Variants in FAM204A observed in about 807,000 individuals in gnomAD.
FAM204A encodes the protein family with sequence similarity 204 member A, also known as protein FAM204A.
Under a neutral mutation model 35.4 loss-of-function variants are expected in FAM204A, and 16 were observed. That is an observed-to-expected ratio of 0.45 (90% confidence interval 0.31 to 0.69). The LOEUF (loss-of-function observed/expected upper bound fraction) is 0.69, where lower values mean the gene tolerates loss of function less well. Ranked by LOEUF, FAM204A falls within the 30% of genes least tolerant of loss-of-function variation. FAM204A has a pLI of 0.07. For missense variants in FAM204A, 240 were observed against 265.7 expected, an observed-to-expected ratio of 0.90 and a Z score of 0.67; for synonymous variants, 76 against 86.9, an observed-to-expected ratio of 0.88 and a Z score of 0.70.
At position 118,300,856 on chromosome 10, in the gene FAM204A, C is replaced by T. The variant is rs1212281183; in HGVS notation, c.*10001G>A. On this transcript the variant is annotated 3_prime_UTR_variant, in exon 9 of 9. Coordinates refer to ENST00000369183, the MANE Select transcript of FAM204A (RefSeq NM_022063.3). Reference sequence around the variant, plus strand: ...TCTGCTTGTATCCTAAGCACAAATGCAATACAGCAACATCAGTAATGGTAA... The same window carrying T: ...TCTGCTTGTATCCTAAGCACAAATGTAATACAGCAACATCAGTAATGGTAA... The T allele has an allele frequency of 6.6e-6, 1 of 152,234 alleles. No individual in the cohort carries two copies. Among genetic ancestry groups the T allele is most frequent in the Non-Finnish European group, 1.5e-5 (1 of 68,062 alleles). 9.4% of individuals were successfully genotyped at this position (152,234 alleles called of 1,614,324 possible). A position where few individuals can be genotyped will look rare whatever the true frequency, so the allele number is the denominator to read the frequency against.
intron 6 of FAM204A, among the ~76,000 whole-genome samples, chr10:118,332,086 G>T (rs853912): frequency 6.7e-6 from 1 of 148,684 alleles, no homozygotes; most frequent in Non-Finnish European, 1.5e-5. Context: ...GTAGAAGAAT[G>T]GTTTGCACCT....
rs1175437551 is a variant in FAM204A, at chr10:118,299,957, C to T, written c.*10900G>A. ...TTAATCCTTTGCTATCCCTAAATCA[C>T]AAGTAGATTGGAAGTGGGTCTTGTG... is the stretch of plus-strand genomic sequence containing the variant. On this transcript the variant is annotated 3_prime_UTR_variant, in exon 9 of 9. Transcript: ENST00000369183. The T allele has an allele frequency of 6.6e-6, 1 of 152,158 alleles. No individual in the cohort carries two copies. Among genetic ancestry groups the T allele is most frequent in the Non-Finnish European group, 1.5e-5 (1 of 68,036 alleles). 9.4% of individuals were successfully genotyped at this position (152,158 alleles called of 1,614,324 possible).
In FAM204A at chr10:118,300,960, G is replaced by A. The variant is rs1845802488; in HGVS notation, c.*9897C>T. 6.6e-6 allele frequency: 1 copy of A among 152,212 alleles called. No homozygotes were observed. Among genetic ancestry groups the A allele is most frequent in the South Asian group, 2.1e-4 (1 of 4,828 alleles). The allele number at this position is 152,212 out of a possible 1,614,324, so 9.4% of individuals were successfully genotyped here. Reference sequence around the variant, plus strand: ...TAATGTTCACAACCTCACACAGTAAGCATTATTAACAACAGCACTTTACAA... The same window carrying A: ...TAATGTTCACAACCTCACACAGTAAACATTATTAACAACAGCACTTTACAA... On this transcript the variant is annotated 3_prime_UTR_variant, in exon 9 of 9. Transcript: ENST00000369183.
At chr10:118,311,336 A>AC in intron 7 of FAM204A, 23 bp from the exon 8 acceptor site, 6 of 1,545,152 alleles carry the variant, frequency 3.9e-6, no homozygotes, top group Non-Finnish European at 5.3e-6. Flanking sequence ...AAGGAGAAAA[A>AC]AAAAGTGAAA....
At position 118,336,338 on chromosome 10, in the gene FAM204A, C is replaced by A; in HGVS notation, c.78G>T (p.Glu26Asp). The change falls in exon 3 of 9, where the codon GAG (glutamate) becomes GAT (aspartate). Residue 26 changes from glutamate to aspartate, a missense_variant. Around this residue, in one of 2 missense-constraint regions of FAM204A, gnomAD observed 232 missense variants for 242.8 expected, o/e 0.96. Coordinates refer to ENST00000369183, the MANE Select transcript of FAM204A (RefSeq NM_022063.3). Reference sequence around the variant, plus strand: ...CTTCCTGTAAGTTAAGTCCAGAGTTCTCCAACGTAGCTTCATCTTCCGAGT... The same window carrying A: ...CTTCCTGTAAGTTAAGTCCAGAGTTATCCAACGTAGCTTCATCTTCCGAGT... ...ESNSEDEATL[E>D]NSGLNLQEDK... is the part of the protein sequence containing the mutation. 1 of 1,613,960 alleles carries A rather than the reference C, an allele frequency of 6.2e-7. No homozygotes were observed. Among genetic ancestry groups the A allele is most frequent in the Non-Finnish European group, 8.5e-7 (1 of 1,179,862 alleles).
Position 118,336,275 on chromosome 10 carries a change from T to C in FAM204A, c.141A>G (p.Ile47Met). ...EDESIRKTEI[I>M]DFSTDEPKTE... The stretch of plus-strand genomic sequence containing the variant: ...TTTTTGGTTCATCTGTTGAGAAATC[T>C]ATGATTTCTGTTTTTCTGATGCTCT... Residue 47 changes from isoleucine (I) to methionine (M), a missense_variant, in exon 3 of 9, where the codon ATA becomes ATG. By Grantham distance (10) the Ile-to-Met change is conservative (BLOSUM62 1). Transcript: ENST00000369183. 6.2e-7 allele frequency: 1 copy of C among 1,613,918 alleles called. No individual in the cohort carries two copies. The highest frequency in any genetic ancestry group is 8.5e-7 in the Non-Finnish European group (1 of 1,179,786).
At chr10:118,326,991 C>T (rs912520134) in intron 6 of FAM204A, among the ~76,000 whole-genome samples, 13 of 152,090 alleles carry the variant, frequency 8.5e-5, no homozygotes, top group African/African-American at 1.7e-4. Context: ...GGGTACAATG[C>T]GTTACACATT....
intron 6 of FAM204A, among the ~76,000 whole-genome samples, chr10:118,328,742 C>T (rs1846238769): frequency 5.3e-5 from 8 of 152,118 alleles, no homozygotes; most frequent in Non-Finnish European, 1.5e-5. Context: ...CTGCCTGCCT[C>T]GGCCTCCCAA....
intron 7 of FAM204A, among the ~76,000 whole-genome samples, chr10:118,321,665 T>C (rs1184218749): frequency 2.4e-5 from 3 of 124,994 alleles, no homozygotes; most frequent in African/African-American, 9.0e-5. Context: ...CCTTAAAAAA[T>C]GGAAAACATC....
At chr10:118,315,962 G>T (rs1385296213) in intron 7 of FAM204A, among the ~76,000 whole-genome samples, 1 of 151,982 alleles carries the variant, frequency 6.6e-6, no homozygotes, top group Non-Finnish European at 1.5e-5. Flanking sequence ...GCAAAAAGTC[G>T]GCACAAATTA....
chr10:118,300,175 T>C lies in FAM204A; in HGVS notation c.*10682A>G, dbSNP rs1221085295. 1 of 152,194 alleles carries C rather than the reference T, an allele frequency of 6.6e-6. No homozygotes were observed. Among genetic ancestry groups the C allele is most frequent in the Non-Finnish European group, 1.5e-5 (1 of 68,042 alleles). The allele number at this position is 152,194 out of a possible 1,614,324, so 9.4% of individuals were successfully genotyped here. On this transcript the variant is annotated 3_prime_UTR_variant, in exon 9 of 9. Transcript: ENST00000369183. The stretch of plus-strand genomic sequence containing the variant: ...TGGTTTCTGAACCACGGAAATTGTG[T>C]GCAAAATGCAGTGCTTATGTTCACA...
intron 7 of FAM204A, chr10:118,322,374 GAC>G (rs1846131788): frequency 2.2e-6 from 1 of 456,332 alleles, no homozygotes; most frequent in Admixed American, 2.4e-5. Context: ...CTGGATCGCT[GAC>G]ACTGAGAAAC....
At chr10:118,324,820 T>C (rs1283802143) in intron 7 of FAM204A, among the ~76,000 whole-genome samples, 1 of 152,114 alleles carries the variant, frequency 6.6e-6, no homozygotes, top group Admixed American at 6.6e-5. Flanking sequence ...TAAAAATGAT[T>C]AAGACAGTAA....
intron 7 of FAM204A, among the ~76,000 whole-genome samples, chr10:118,317,527 G>T (rs1259272520): frequency 1.3e-5 from 2 of 151,918 alleles, no homozygotes; most frequent in Non-Finnish European, 2.9e-5. Flanking sequence ...TATCCTCAAT[G>T]TAATGAGATT....
intron 6 of FAM204A, among the ~76,000 whole-genome samples, chr10:118,328,297 C>G (rs1238933916): frequency 6.6e-6 from 1 of 152,142 alleles, no homozygotes; most frequent in Non-Finnish European, 1.5e-5. Flanking sequence ...GATACTCCTT[C>G]TCCCTCTCTA....
chr10:118,309,888 G>A lies in FAM204A; in HGVS notation c.*969C>T, dbSNP rs760142756. 2 of 152,054 alleles carry A rather than the reference G, an allele frequency of 1.3e-5. No homozygotes were observed. The highest frequency in any genetic ancestry group is 2.4e-5 in the African/African-American group (1 of 41,402). 9.4% of individuals were successfully genotyped at this position (152,054 alleles called of 1,614,324 possible). On this transcript the variant is annotated 3_prime_UTR_variant, in exon 9 of 9. Transcript: ENST00000369183. ...AATACTTAGGAAGACATTTTTAGGC[G>A]TTGCTGAATTTAAATCATCTTCCAA... is the stretch of plus-strand genomic sequence containing the variant.
intron 7 of FAM204A, among the ~76,000 whole-genome samples, chr10:118,322,612 A>C (rs938802037): frequency 2.6e-5 from 4 of 152,106 alleles, no homozygotes; most frequent in African/African-American, 9.7e-5. Context: ...AGGAAAAAGA[A>C]GTTTCTTTTG....
intron 2 of FAM204A, among the ~76,000 whole-genome samples, chr10:118,336,890 C>T (rs1041435369): frequency 2.0e-5 from 3 of 152,036 alleles, no homozygotes; most frequent in African/African-American, 7.2e-5. Context: ...TTTCAGAGGG[C>T]GTCTTGTCTA....
intron 7 of FAM204A, among the ~76,000 whole-genome samples, chr10:118,312,181 C>T (rs1217318953): frequency 6.6e-6 from 1 of 152,164 alleles, no homozygotes; most frequent in African/African-American, 2.4e-5. Context: ...AAAATGCCCA[C>T]CAATGCGGAC....
Sources: gnomAD v4.1 joint callset for allele counts (sites outside exome capture counted in the v4.1 genomes callset) on GRCh38, gnomAD v4.1.1 for gene constraint, gnomAD v4.1.1 regional missense constraint, MANE v1.5 for transcripts, NCBI Gene and HGNC (gene_info 2026-07-23, HGNC 2026-07-21) for gene names.